Variants in MICAL1 observed in about 807,000 individuals in gnomAD.
MICAL1 encodes [F-actin]-monooxygenase MICAL1.
A neutral mutation model predicts 131.8 loss-of-function variants in MICAL1; 95 were observed. That is an observed-to-expected ratio of 0.72 (90% confidence interval 0.61 to 0.86). The LOEUF (loss-of-function observed/expected upper bound fraction) is 0.86. MICAL1 is among the 40% of genes least tolerant of loss of function. MICAL1 has a pLI of 0.00. For synonymous variants in MICAL1, 546 were observed against 554.2 expected (o/e 0.99, Z 0.21); for missense variants, 1,292 against 1,380.6 (o/e 0.94, Z 1.02).
At chr6:109,446,653 C>T in intron 18 of MICAL1, 43 bp downstream of exon 18, 1 of 1,594,406 alleles carries the variant, frequency 6.3e-7, no homozygotes, top group Non-Finnish European at 8.6e-7. Context: ...GACCCTCTTC[C>T]TCTTCCCATG....
Position 109,446,131 on chromosome 6 carries a change from G to T in MICAL1, c.2581+5C>A. The stretch of plus-strand genomic sequence containing the variant: ...TGGGTCAGCACATCTGTGAGGATGG[G>T]TTACCTTGAGGGCTCTGGACTGGCA... On this transcript the variant is annotated splice_donor_5th_base_variant and intron_variant, in intron 19 of 24. Coordinates refer to ENST00000358807, the MANE Select transcript of MICAL1 (RefSeq NM_022765.4). 1 of 1,536,986 alleles carries T rather than the reference G, an allele frequency of 6.5e-7. No individual in the cohort carries two copies. Among genetic ancestry groups the T allele is most frequent in the South Asian group, 1.3e-5 (1 of 77,460 alleles).
chr6:109,454,337 G>A (rs541683984), intron 1 of MICAL1, 98 bp from the exon 2 acceptor site: 6 of 1,208,486 alleles, frequency 5.0e-6, no homozygotes, highest in African/African-American at 4.6e-5. Context: ...CAGGGAGCTC[G>A]GGATTCACCA....
chr6:109,452,845 C>T (rs1775600850), intron 4 of MICAL1, among the ~76,000 whole-genome samples: 1 of 152,098 alleles, frequency 6.6e-6, no homozygotes, highest in African/African-American at 2.4e-5. Context: ...GTGGCTTGCC[C>T]AAGGCCACAC....
intron 1 of MICAL1, chr6:109,454,881 T>A (rs1390446570): frequency 6.6e-6 from 1 of 152,592 alleles, no homozygotes; most frequent in Non-Finnish European, 1.5e-5. Flanking sequence ...CGGGAGGATG[T>A]TGCGACTGAC....
intron 11 of MICAL1, 173 bp from the exon 12 acceptor site, chr6:109,449,052 T>C (rs907857174): frequency 2.3e-6 from 2 of 864,706 alleles, no homozygotes; most frequent in Non-Finnish European, 3.5e-6. Context: ...AATTCTCTTT[T>C]AAAAAAAATC....
intron 3 of MICAL1, 124 bp from the exon 4 acceptor site, chr6:109,453,491 C>A: frequency 6.7e-7 from 1 of 1,500,668 alleles, no homozygotes; most frequent in Admixed American, 2.0e-5. Context: ...CAAAAGCCCA[C>A]TTATAGATGG....
Position 109,445,298 on chromosome 6 carries a change from G to A in MICAL1, c.2788-8C>T, listed in dbSNP as rs746188692. On this transcript the variant is annotated splice_polypyrimidine_tract_variant and splice_region_variant and intron_variant, in intron 21 of 24. Coordinates refer to ENST00000358807, the MANE Select transcript of MICAL1 (RefSeq NM_022765.4). The stretch of plus-strand genomic sequence containing the variant: ...TAGTCGCCGTTGGATGGTCTGAGGG[G>A]TACAAGACAGAATATCCAGGAGTCT... The A allele has an allele frequency of 1.9e-6, 3 of 1,614,076 alleles. No individual in the cohort carries two copies. The highest frequency in any genetic ancestry group is 2.5e-6 in the Non-Finnish European group (3 of 1,180,016).
At chr6:109,446,879 G>T in intron 17 of MICAL1, 107 bp from the exon 18 acceptor site, 3 of 1,294,946 alleles carry the variant, frequency 2.3e-6, no homozygotes, top group East Asian at 2.5e-5. Flanking sequence ...ATTTGCAGGT[G>T]AATTTCTGCC....
At chr6:109,450,116 A>G (rs761495250) in intron 8 of MICAL1, 31 bp from the exon 9 acceptor site, 1 of 1,603,916 alleles carries the variant, frequency 6.2e-7, no homozygotes, top group Non-Finnish European at 8.5e-7. Flanking sequence ...GAAGCAGCTC[A>G]GGGAGAATCC....
intron 1 of MICAL1, among the ~76,000 whole-genome samples, chr6:109,462,023 CACT>C (rs1775899917): frequency 7.6e-6 from 1 of 131,002 alleles, no homozygotes; most frequent in Non-Finnish European, 1.5e-5. Flanking sequence ...CTCCCCTCCT[CACT>C]CAGATGCCAG....
At position 109,455,139 on chromosome 6, in the gene MICAL1, G is replaced by A. The variant is rs551425317; in HGVS notation, c.-44+580C>T. ...TCGCCCCCTCCCACGCCACCTGAAG[G>A]GTGCCCGAGGGGGTTTCTCACGCGG... On this transcript the variant is annotated intron_variant, in intron 1 of 24. Transcript: ENST00000358807. This position sits in a 1 kb window ranked among gnomAD's most constrained non-coding sequence, Gnocchi z 4.7. 4.5e-4 allele frequency among the ~76,000 whole-genome samples: 69 copies of A among 152,272 alleles called. No individual in the cohort carries two copies. The highest frequency in any genetic ancestry group is 3.4e-3 in the Middle Eastern group (1 of 294).
chr6:109,451,042 AAG>A (rs1775518429), intron 7 of MICAL1, among the ~76,000 whole-genome samples: 1 of 152,154 alleles, frequency 6.6e-6, no homozygotes, highest in Non-Finnish European at 1.5e-5. Context: ...GCAACAGACA[AAG>A]AGACAGAAAT....
chr6:109,451,083 T>TA (rs1775520299), intron 7 of MICAL1, among the ~76,000 whole-genome samples: 1 of 151,808 alleles, frequency 6.6e-6, no homozygotes. Flanking sequence ...GACACACATC[T>TA]ACTGTGGCTG....
chr6:109,453,577 C>T (rs935301627), intron 3 of MICAL1, 61 bp downstream of exon 3: 1 of 1,536,974 alleles, frequency 6.5e-7, no homozygotes, highest in African/African-American at 1.4e-5. Context: ...CAGCATTTCC[C>T]CACTGGCCTG....
upstream of MICAL1, among the ~76,000 whole-genome samples, chr6:109,459,103 G>A (rs1374220923): frequency 2.0e-5 from 3 of 152,188 alleles, no homozygotes; most frequent in Non-Finnish European, 2.9e-5. Context: ...ACCACGTGAC[G>A]AAATGAGAAT....
chr6:109,444,984 G>A lies in MICAL1; in HGVS notation c.2893C>T (p.Gln965Ter). Residue 965 changes from glutamine (Q) to a stop codon, truncating the protein, a stop_gained, in exon 23 of 25, where the codon CAG becomes TAG. Transcript: ENST00000358807. LOFTEE classifies it high-confidence loss of function. ...ALRRQSSSPE[Q>*]QKKLWVGQLL... is the part of the protein sequence containing the mutation. The stretch of plus-strand genomic sequence containing the variant: ...TGTCCTACCCATAGTTTCTTTTGCT[G>A]TTCTGGGGAACCTGAGAAGAAGGAA... The A allele has an allele frequency of 3.1e-6, 5 of 1,613,834 alleles. No individual in the cohort carries two copies. The highest frequency in any genetic ancestry group is 4.2e-6 in the Non-Finnish European group (5 of 1,180,046).
intron 11 of MICAL1, 121 bp downstream of exon 11, chr6:109,449,279 C>T (rs1775402851): frequency 9.0e-7 from 1 of 1,110,406 alleles, no homozygotes; most frequent in African/African-American, 1.5e-5. Context: ...ACCCACCAGC[C>T]AACAATGAGT....
At chr6:109,449,130 A>C (rs1360826624) in intron 11 of MICAL1, 2 of 661,676 alleles carry the variant, frequency 3.0e-6, no homozygotes, top group Non-Finnish European at 5.3e-6. Flanking sequence ...GCAGCAGACT[A>C]AACTGGGGGC....
At position 109,446,355 on chromosome 6, in the gene MICAL1, A is replaced by T; in HGVS notation, c.2362T>A (p.Ser788Thr). The change falls in exon 19 of 25, where the codon TCG becomes ACG. Residue 788 changes from serine to threonine, a missense_variant. By Grantham distance (58) the Ser-to-Thr change is moderately conservative. Transcript: ENST00000358807. ...GGAACAGGACCGGCCCCCTCCTGCGAGGCTGTGGGAGTTGAGAGGCCTGGT... is the reference window on the plus strand; with the variant it reads ...GGAACAGGACCGGCCCCCTCCTGCGTGGCTGTGGGAGTTGAGAGGCCTGGT... ...MPPGLSTPTA[S>T]QEGAGPVPDP... is the part of the protein sequence containing the mutation. 1 of 1,613,284 alleles carries T rather than the reference A, an allele frequency of 6.2e-7. No individual in the cohort carries two copies. Among genetic ancestry groups the T allele is most frequent in the Non-Finnish European group, 8.5e-7 (1 of 1,179,922 alleles).
Sources: gnomAD v4.1 joint callset for allele counts (sites outside exome capture counted in the v4.1 genomes callset) on GRCh38, gnomAD v4.1.1 for gene constraint, Gnocchi (gnomAD v3.1) non-coding constraint, MANE v1.5 for transcripts, NCBI Gene and HGNC (gene_info 2026-07-23, HGNC 2026-07-21) for gene names.